Variants in IMMP2L observed in about 807,000 individuals in gnomAD.
The protein encoded by IMMP2L is inner mitochondrial membrane peptidase subunit 2, also known as mitochondrial inner membrane protease subunit 2.
Under a neutral mutation model 19.3 loss-of-function variants are expected in IMMP2L, and 18 were observed. The observed-to-expected ratio is 0.93, with a 90% CI of 0.64 to 1.38. The LOEUF (loss-of-function observed/expected upper bound fraction) is 1.38. IMMP2L is among the 40% of genes most tolerant of loss of function. The pLI, the probability that IMMP2L is intolerant of heterozygous loss-of-function variation, is 0.00. For synonymous variants in IMMP2L, 76 were observed against 73.0 expected (o/e 1.04, Z -0.21); for missense variants, 233 against 218.2 (o/e 1.07, Z -0.43).
intron 3 of IMMP2L, among the ~76,000 whole-genome samples, chr7:111,073,832 A>G (rs922839966): frequency 6.6e-6 from 1 of 152,192 alleles, no homozygotes; most frequent in African/African-American, 2.4e-5. Context: ...TGGTCTGTAC[A>G]CTAATGTTCT....
Position 111,509,637 on chromosome 7 carries a change from G to A in IMMP2L, c.135+11676C>T, listed in dbSNP as rs558494787. ...TGATAGTAATTACAATTTAAGTATT[G>A]TTACATGAAACTTTTGTTCCAGTTG... On this transcript the variant is annotated intron_variant, in intron 2 of 5. Coordinates refer to ENST00000405709, the MANE Select transcript of IMMP2L (RefSeq NM_032549.4). Among the ~76,000 whole-genome samples the A allele has an allele frequency of 2.6e-5, 4 of 152,190 alleles. No homozygotes were observed. In the East Asian group the frequency reaches 7.7e-4, roughly 29 times the overall value.
intron 5 of IMMP2L, among the ~76,000 whole-genome samples, chr7:110,783,314 T>C (rs1799865051): frequency 2.0e-5 from 3 of 151,834 alleles, no homozygotes; most frequent in Admixed American, 2.0e-4. Flanking sequence ...GGTACCAACA[T>C]CCTCAATTAC....
At chr7:111,053,833 G>A (rs991981280) in intron 3 of IMMP2L, among the ~76,000 whole-genome samples, 1 of 152,120 alleles carries the variant, frequency 6.6e-6, no homozygotes, top group African/African-American at 2.4e-5. Context: ...GACTTAACAA[G>A]AAGGAACTAT....
intron 3 of IMMP2L, among the ~76,000 whole-genome samples, chr7:111,064,727 T>C (rs979030589): frequency 6.6e-6 from 1 of 152,162 alleles, no homozygotes; most frequent in African/African-American, 2.4e-5. Flanking sequence ...CCTGGACACC[T>C]TGGGCTCCTC....
At chr7:111,194,912 C>T (rs1157192702) in intron 3 of IMMP2L, among the ~76,000 whole-genome samples, 1 of 151,986 alleles carries the variant, frequency 6.6e-6, no homozygotes, top group African/African-American at 2.4e-5. Context: ...AATGTATATA[C>T]TTATGCAAAA....
intron 3 of IMMP2L, among the ~76,000 whole-genome samples, chr7:111,280,938 C>G (rs1242986063): frequency 1.3e-5 from 2 of 151,706 alleles, no homozygotes; most frequent in Non-Finnish European, 2.9e-5. Context: ...GGCGTGGTGG[C>G]AGGCGCCTGT....
chr7:111,386,810 G>A (rs1001015091), intron 3 of IMMP2L, among the ~76,000 whole-genome samples: 7 of 151,972 alleles, frequency 4.6e-5, no homozygotes, highest in African/African-American at 1.7e-4. Flanking sequence ...TAATGTGTTT[G>A]GCAAAAATAT....
chr7:110,776,735 C>T (rs540468278), intron 5 of IMMP2L, among the ~76,000 whole-genome samples: 1 of 152,016 alleles, frequency 6.6e-6, no homozygotes, highest in Non-Finnish European at 1.5e-5. Flanking sequence ...CTAGAAAGTA[C>T]CAATATTTCT....
intron 5 of IMMP2L, among the ~76,000 whole-genome samples, chr7:110,750,593 T>G (rs1262527207): frequency 6.6e-6 from 1 of 152,054 alleles, no homozygotes; most frequent in Non-Finnish European, 1.5e-5. Flanking sequence ...GCAATTATGG[T>G]GACTCACTCT....
intron 5 of IMMP2L, among the ~76,000 whole-genome samples, chr7:110,738,542 T>C (rs1328306381): frequency 6.6e-6 from 1 of 152,184 alleles, no homozygotes; most frequent in Non-Finnish European, 1.5e-5. Flanking sequence ...TTTTAAAAAA[T>C]GAACAAAGCA....
At chr7:110,895,352 T>C (rs187295738) in intron 4 of IMMP2L, among the ~76,000 whole-genome samples, 82 of 152,302 alleles carry the variant, frequency 5.4e-4, no homozygotes, top group East Asian at 3.9e-4. Context: ...TATCACCCTA[T>C]ATGGATGAGT....
At chr7:110,691,367 A>G (rs1221244611) in intron 5 of IMMP2L, among the ~76,000 whole-genome samples, 3 of 152,152 alleles carry the variant, frequency 2.0e-5, no homozygotes, top group Non-Finnish European at 4.4e-5. Flanking sequence ...TAAAAATTCT[A>G]GAAGAAAACC....
chr7:111,131,826 T>C (rs747025541), intron 3 of IMMP2L, among the ~76,000 whole-genome samples: 1 of 151,938 alleles, frequency 6.6e-6, no homozygotes, highest in African/African-American at 2.4e-5. Context: ...TATATTCATA[T>C]AGTTAATATG....
chr7:111,505,115 C>G (rs1175019827), intron 2 of IMMP2L, among the ~76,000 whole-genome samples: 1 of 151,616 alleles, frequency 6.6e-6, no homozygotes, highest in Non-Finnish European at 1.5e-5. Flanking sequence ...AGAACTCAAA[C>G]AAATTTACAA....
intron 4 of IMMP2L, among the ~76,000 whole-genome samples, chr7:110,894,853 T>C (rs1247971346): frequency 6.6e-6 from 1 of 152,208 alleles, no homozygotes; most frequent in East Asian, 1.9e-4. Context: ...ATAATTTTTA[T>C]GCAGTCTGAG....
chr7:110,724,653 A>T (rs1795778737), intron 5 of IMMP2L: 2 of 151,990 alleles, frequency 1.3e-5, no homozygotes, highest in East Asian at 3.9e-4. Flanking sequence ...GAGATATTTT[A>T]AAAATCAGAT....
At chr7:110,831,739 A>G (rs1055040073) in intron 5 of IMMP2L, among the ~76,000 whole-genome samples, 4 of 152,212 alleles carry the variant, frequency 2.6e-5, no homozygotes, top group African/African-American at 4.8e-5. Context: ...TGACGAAAAT[A>G]CTAGAGGGAA....
At chr7:111,099,311 TGAA>T (rs1797726577) in intron 3 of IMMP2L, among the ~76,000 whole-genome samples, 1 of 151,732 alleles carries the variant, frequency 6.6e-6, no homozygotes, top group Non-Finnish European at 1.5e-5. Context: ...TTTTAAATGA[TGAA>T]GATGAAAATA....
At chr7:111,353,341 C>A (rs568876622) in intron 3 of IMMP2L, among the ~76,000 whole-genome samples, 1 of 152,296 alleles carries the variant, frequency 6.6e-6, no homozygotes, top group South Asian at 2.1e-4. Context: ...CTTGTTTCAA[C>A]TCCCCTTCTA....
Sources: allele counts gnomAD v4.1 joint callset (sites outside exome capture counted in the v4.1 genomes callset), GRCh38; gene constraint gnomAD v4.1.1; transcripts MANE v1.5; gene names NCBI Gene and HGNC (gene_info 2026-07-23, HGNC 2026-07-21).